The following WWOX variants were observed in gnomAD, a reference collection of about 807,000 sequenced individuals.
WWOX encodes WW domain-containing oxidoreductase.
WWOX carries 69 observed loss-of-function variants against 46.2 expected under a neutral mutation model. The observed-to-expected ratio is 1.49, with a 90% confidence interval of 1.23 to 1.82. WWOX has a LOEUF of 1.82. Among genes scored for constraint, WWOX ranks in the 40% most tolerant of loss-of-function variants. The pLI, the probability that WWOX is intolerant of heterozygous loss-of-function variation, is 0.00. For missense variants in WWOX, 919 were observed against 542.6 expected (o/e 1.69, Z -6.89); for synonymous variants, 359 against 202.6 (o/e 1.77, Z -6.56).
intron 8 of WWOX, among the ~76,000 whole-genome samples, chr16:78,481,490 T>C (rs941820613): frequency 2.6e-5 from 4 of 152,122 alleles, no homozygotes; most frequent in Non-Finnish European, 5.9e-5. Flanking sequence ...GATGGGAACT[T>C]TGCAGGATGT....
intron 6 of WWOX, among the ~76,000 whole-genome samples, chr16:78,419,776 A>G (rs1297475141): frequency 6.8e-6 from 1 of 147,826 alleles, no homozygotes; most frequent in Non-Finnish European, 1.5e-5. Context: ...ACAAGTGACA[A>G]AAGAAAAAAA....
rs565496398 is a variant in WWOX at position 78,511,109 on chromosome 16, C to G, written c.1056+78357C>G. 1.2e-4 allele frequency among the ~76,000 whole-genome samples: 19 copies of G among 152,318 alleles called. No homozygotes were observed. In the South Asian group the frequency reaches 3.9e-3, roughly 32 times the overall value. On this transcript the variant is annotated intron_variant, in intron 8 of 8. Transcript: ENST00000566780. Reference sequence around the variant, plus strand: ...GAGAGCAAAAGTCCTTTATGATTAGCAAATTGCAGGTCCTCCCCTTTCTGA... The same window carrying G: ...GAGAGCAAAAGTCCTTTATGATTAGGAAATTGCAGGTCCTCCCCTTTCTGA...
Position 78,296,551 on chromosome 16 carries a change from G to A in WWOX, c.517-90309G>A, listed in dbSNP as rs569820446. On this transcript the variant is annotated intron_variant, in intron 5 of 8. Coordinates refer to ENST00000566780, the MANE Select transcript of WWOX (RefSeq NM_016373.4). Reference sequence around the variant, plus strand: ...TTATTTTCATTTTCTAAAATTACATGTAGTACATGTATATCAACTTCAAGA... The same window carrying A: ...TTATTTTCATTTTCTAAAATTACATATAGTACATGTATATCAACTTCAAGA... Among the ~76,000 whole-genome samples, 35 of 150,976 alleles carry A rather than the reference G, an allele frequency of 2.3e-4. 1 individual carries two copies. Among genetic ancestry groups the A allele is most frequent in the Non-Finnish European group, 4.4e-4 (30 of 67,830 alleles).
At position 79,048,614 on chromosome 16, in the gene WWOX, T is replaced by C. The variant is rs142074029; in HGVS notation, c.1057-162994T>C. ...ACATAACGTATGCTAAAGAATGTGTTGTGTTTTTTTGTTTTCTCTGATAAT... is the reference window on the plus strand; with the variant it reads ...ACATAACGTATGCTAAAGAATGTGTCGTGTTTTTTTGTTTTCTCTGATAAT... On this transcript the variant is annotated intron_variant, in intron 8 of 8. Transcript: ENST00000566780. 6.7e-3 allele frequency among the ~76,000 whole-genome samples: 1,026 copies of C among 152,326 alleles called. 15 individuals are homozygous for C. The highest frequency in any genetic ancestry group is 0.024 in the African/African-American group (989 of 41,570).
intron 4 of WWOX, among the ~76,000 whole-genome samples, chr16:78,160,568 T>G (rs1004283293): frequency 1.3e-5 from 2 of 152,352 alleles, no homozygotes; most frequent in Admixed American, 1.3e-4. Flanking sequence ...CCATAATGTC[T>G]TATTTATTTA....
chr16:78,588,567 C>T (rs1273631579), intron 8 of WWOX, among the ~76,000 whole-genome samples: 1 of 152,086 alleles, frequency 6.6e-6, no homozygotes, highest in Non-Finnish European at 1.5e-5. Context: ...GCAGAAGCTG[C>T]CTGGAGGACC....
chr16:78,292,064 T>A (rs1263829502), intron 5 of WWOX, among the ~76,000 whole-genome samples: 1 of 99,376 alleles, frequency 1.0e-5, no homozygotes, highest in Non-Finnish European at 1.9e-5. Context: ...GATTTTTACC[T>A]TTTTTTTTTT....
chr16:78,925,846 C>G (rs1472036056), intron 8 of WWOX, among the ~76,000 whole-genome samples: 1 of 152,154 alleles, frequency 6.6e-6, no homozygotes, highest in Non-Finnish European at 1.5e-5. Context: ...TTCTAGCCTA[C>G]CAGGATTTGG....
chr16:78,166,675 C>T (rs2034985930), intron 5 of WWOX: 1 of 152,146 alleles, frequency 6.6e-6, no homozygotes, highest in African/African-American at 2.4e-5. Flanking sequence ...TCTTCTGCCT[C>T]AGCCTCCCGA....
At position 78,292,742 on chromosome 16, in the gene WWOX, C is replaced by T. The variant is rs1007872402; in HGVS notation, c.517-94118C>T. Among the ~76,000 whole-genome samples, 5 of 152,138 alleles carry T rather than the reference C, an allele frequency of 3.3e-5. 1 individual carries two copies. Among genetic ancestry groups the T allele is most frequent in the Non-Finnish European group, 7.3e-5 (5 of 68,028 alleles). Reference sequence around the variant, plus strand: ...TAAGTTTAAATGTGCTGCCCTTACCCTAAAGTGTTTGGAGGGCTTCGTAGA... The same window carrying T: ...TAAGTTTAAATGTGCTGCCCTTACCTTAAAGTGTTTGGAGGGCTTCGTAGA... On this transcript the variant is annotated intron_variant, in intron 5 of 8. Coordinates refer to ENST00000566780, the MANE Select transcript of WWOX (RefSeq NM_016373.4).
intron 8 of WWOX, among the ~76,000 whole-genome samples, chr16:78,769,528 A>T (rs925172786): frequency 6.2e-5 from 1 of 16,158 alleles, no homozygotes; most frequent in Non-Finnish European, 1.2e-4. Context: ...CCCACCCCCC[A>T]CATTATTTAT....
intron 8 of WWOX, among the ~76,000 whole-genome samples, chr16:78,502,347 C>G (rs1440175839): frequency 1.3e-5 from 2 of 152,194 alleles, no homozygotes; most frequent in African/African-American, 4.8e-5. Flanking sequence ...AATACCTCCT[C>G]TCTCCAGTTC....
chr16:78,969,423 C>T (rs984462106), intron 8 of WWOX, among the ~76,000 whole-genome samples: 1 of 152,100 alleles, frequency 6.6e-6, no homozygotes, highest in African/African-American at 2.4e-5. Flanking sequence ...GGGCACATGC[C>T]ACCATGCCCA....
intron 5 of WWOX, among the ~76,000 whole-genome samples, chr16:78,298,175 C>T (rs1238053950): frequency 1.3e-5 from 2 of 152,122 alleles, no homozygotes; most frequent in Admixed American, 6.5e-5. Flanking sequence ...TCAATTAAAC[C>T]TCTTTCCTTT....
intron 4 of WWOX, among the ~76,000 whole-genome samples, chr16:78,144,554 C>A (rs2034133788): frequency 8.2e-6 from 1 of 121,392 alleles, no homozygotes; most frequent in Non-Finnish European, 1.7e-5. Flanking sequence ...TGGAGTTTTA[C>A]TCTGTCGCCC....
intron 8 of WWOX, among the ~76,000 whole-genome samples, chr16:78,479,253 C>CA (rs2084430636): frequency 6.6e-6 from 1 of 152,182 alleles, no homozygotes; most frequent in Non-Finnish European, 1.5e-5. Context: ...GGCACCACTT[C>CA]AGACAGTAAG....
At chr16:79,154,474 T>G (rs1363387125) in intron 8 of WWOX, among the ~76,000 whole-genome samples, 1 of 142,638 alleles carries the variant, frequency 7.0e-6, no homozygotes, top group African/African-American at 2.6e-5. Flanking sequence ...GACATGGACA[T>G]ATAAATAATT....
At chr16:78,374,797 G>T (rs898416504) in intron 5 of WWOX, among the ~76,000 whole-genome samples, 1 of 151,922 alleles carries the variant, frequency 6.6e-6, no homozygotes, top group African/African-American at 2.4e-5. Context: ...TGGTCCGTCT[G>T]CCTCGGCCTC....
At chr16:78,378,784 G>A (rs2081887520) in intron 5 of WWOX, among the ~76,000 whole-genome samples, 1 of 152,214 alleles carries the variant, frequency 6.6e-6, no homozygotes, top group South Asian at 2.1e-4. Flanking sequence ...AGCTCTGAGT[G>A]TAGATTATTG....
Sources: gnomAD v4.1 joint callset for allele counts (sites outside exome capture counted in the v4.1 genomes callset) on GRCh38, gnomAD v4.1.1 for gene constraint, MANE v1.5 for transcripts, NCBI Gene and HGNC (gene_info 2026-07-23, HGNC 2026-07-21) for gene names.